YAP1: variants seen among roughly 807,000 people sequenced by gnomAD.
YAP1 encodes the protein transcriptional coactivator YAP1.
Under a neutral mutation model 56.9 loss-of-function variants are expected in YAP1, and 5 were observed. The ratio of observed to expected loss-of-function variants is 0.09; its 90% confidence interval spans 0.05 to 0.18. The LOEUF (loss-of-function observed/expected upper bound fraction) is 0.18, where lower values mean the gene tolerates loss of function less well. YAP1 is among the 10% of genes least tolerant of loss of function. The probability of loss-of-function intolerance (pLI) is 1.00; values close to 1 mark genes in which losing one functional copy is unlikely to be tolerated. For synonymous variants in YAP1, 265 were observed against 248.1 expected (o/e 1.07, Z -0.64); for missense variants, 539 against 651.8 (o/e 0.83, Z 1.88).
intron 4 of YAP1, among the ~76,000 whole-genome samples, chr11:102,188,810 A>T (rs1473669115): frequency 6.6e-6 from 1 of 152,224 alleles, no homozygotes; most frequent in East Asian, 1.9e-4. Flanking sequence ...ATTAAGTGAC[A>T]CATGACTATA....
chr11:102,207,762 C>T (rs886857309), intron 5 of YAP1, among the ~76,000 whole-genome samples: 9 of 152,096 alleles, frequency 5.9e-5, no homozygotes, highest in African/African-American at 2.2e-4. Flanking sequence ...TGTGCTTTGT[C>T]GGTAATCTGT....
chr11:102,121,739 G>A (rs1190542672), intron 2 of YAP1, among the ~76,000 whole-genome samples: 4 of 152,144 alleles, frequency 2.6e-5, no homozygotes, highest in African/African-American at 9.7e-5. Context: ...GAGGATAAGT[G>A]GGGGACTGCT....
chr11:102,152,231 A>T (rs1212552384), intron 2 of YAP1, among the ~76,000 whole-genome samples: 1 of 152,328 alleles, frequency 6.6e-6, no homozygotes, highest in East Asian at 1.9e-4. Context: ...GTCTTCAGTA[A>T]CCATTTCTCA....
At chr11:102,184,883 C>G (rs576626905) in intron 3 of YAP1, among the ~76,000 whole-genome samples, 96 of 152,226 alleles carry the variant, frequency 6.3e-4, no homozygotes, top group Non-Finnish European at 1.0e-3. Flanking sequence ...CTGGTACTAA[C>G]TAGCTTTGGG....
chr11:102,223,813 C>T lies in YAP1; in HGVS notation c.1163+61C>T, dbSNP rs930374209. ...GGATCATTGCTTTAAAATCATTCTG[C>T]TTAGTGCTTGTAATAGGCTATTTGG... On this transcript the variant is annotated intron_variant, in intron 7 of 8. Coordinates refer to ENST00000282441, the MANE Select transcript of YAP1 (RefSeq NM_001130145.3). The T allele has an allele frequency of 8.1e-6, 13 of 1,598,432 alleles. No homozygotes were observed. In the East Asian group the frequency reaches 2.5e-4, roughly 30 times the overall value.
At chr11:102,157,638 A>G (rs898779364) in intron 2 of YAP1, among the ~76,000 whole-genome samples, 3 of 152,192 alleles carry the variant, frequency 2.0e-5, no homozygotes, top group African/African-American at 7.2e-5. Context: ...TGGTCATTTG[A>G]TTTCTCATTA....
chr11:102,138,910 G>C (rs1944839652), intron 2 of YAP1, among the ~76,000 whole-genome samples: 1 of 152,272 alleles, frequency 6.6e-6, no homozygotes, highest in African/African-American at 2.4e-5. Context: ...AATGTTTTCT[G>C]TGATTACATC....
intron 3 of YAP1, among the ~76,000 whole-genome samples, chr11:102,181,096 G>A (rs1010317355): frequency 3.3e-5 from 5 of 151,762 alleles, no homozygotes; most frequent in Non-Finnish European, 5.9e-5. Context: ...GCAGTGAGCC[G>A]GGATTGCACC....
chr11:102,194,306 T>C (rs1337625708), intron 4 of YAP1, among the ~76,000 whole-genome samples: 1 of 152,146 alleles, frequency 6.6e-6, no homozygotes, highest in Non-Finnish European at 1.5e-5. Flanking sequence ...TGAAAGTAAT[T>C]GGTGTGATTT....
At chr11:102,195,997 T>G (rs1948553896) in intron 4 of YAP1, among the ~76,000 whole-genome samples, 1 of 152,176 alleles carries the variant, frequency 6.6e-6, no homozygotes, top group African/African-American at 2.4e-5. Context: ...AGATAACACT[T>G]AACTCCCATT....
intron 1 of YAP1, 29 bp from the exon 2 acceptor site, chr11:102,114,115 T>A (rs777963145): frequency 1.3e-6 from 2 of 1,554,170 alleles, no homozygotes; most frequent in South Asian, 2.4e-5. Context: ...TTTTCTTTTT[T>A]AATTTTTCAT....
rs150068300 is a variant in YAP1 at position 102,188,879 on chromosome 11, G to A, written c.802+2748G>A. On this transcript the variant is annotated intron_variant, in intron 4 of 8. Coordinates refer to ENST00000282441, the MANE Select transcript of YAP1 (RefSeq NM_001130145.3). ...ATTAATGTTATTTATGTAATTTTAG[G>A]GAATAAAAGAGTAATTTGTTGTGGA... 2.5e-3 allele frequency among the ~76,000 whole-genome samples: 376 copies of A among 151,936 alleles called. 2 individuals carry two copies. The highest frequency in any genetic ancestry group is 8.5e-3 in the African/African-American group (352 of 41,494).
At chr11:102,212,822 C>A (rs1391014503) in intron 6 of YAP1, among the ~76,000 whole-genome samples, 5 of 152,192 alleles carry the variant, frequency 3.3e-5, no homozygotes, top group Admixed American at 6.5e-5. Flanking sequence ...CTCAGGTGAT[C>A]TGCCCACCTC....
Position 102,196,133 on chromosome 11 carries a change from T to C in YAP1, c.803-9760T>C, listed in dbSNP as rs531834360. ...ACCACTTTGGAAAATAGAATGACAG[T>C]TCCTCAAAACATTAACCATAACATT... On this transcript the variant is annotated intron_variant, in intron 4 of 8. Transcript: ENST00000282441. Among the ~76,000 whole-genome samples, 9 of 152,256 alleles carry C rather than the reference T, an allele frequency of 5.9e-5. No individual in the cohort carries two copies. In the East Asian group the frequency reaches 1.7e-3, roughly 29 times the overall value.
intron 2 of YAP1, among the ~76,000 whole-genome samples, chr11:102,123,318 G>A (rs910504105): frequency 4.6e-5 from 7 of 152,014 alleles, no homozygotes; most frequent in Non-Finnish European, 8.8e-5. Flanking sequence ...AGAGTCTTTT[G>A]TTTTCCTGCT....
intron 2 of YAP1, among the ~76,000 whole-genome samples, chr11:102,124,488 C>T (rs561139324): frequency 4.6e-5 from 7 of 152,282 alleles, no homozygotes; most frequent in Admixed American, 3.3e-4. Flanking sequence ...AGTACAATTT[C>T]CAGGACTGTC....
At chr11:102,197,253 T>C (rs1591389309) in intron 4 of YAP1, among the ~76,000 whole-genome samples, 1 of 152,334 alleles carries the variant, frequency 6.6e-6, no homozygotes, top group Non-Finnish European at 1.5e-5. Flanking sequence ...GTCTGAGATT[T>C]GAAAAAATAC....
rs370902721 is a variant in YAP1, at chr11:102,212,624, G to A, written c.1032+3060G>A. Among the ~76,000 whole-genome samples, 54 of 151,292 alleles carry A rather than the reference G, an allele frequency of 3.6e-4. No individual in the cohort carries two copies. In the East Asian group the frequency reaches 8.1e-3, roughly 23 times the overall value. ...TTTGAGACGGAGTTTTGCCCTTGTC[G>A]CCCAGGTTGGAGTGCAATGGCATGA... On this transcript the variant is annotated intron_variant, in intron 6 of 8. Transcript: ENST00000282441.
intron 2 of YAP1, among the ~76,000 whole-genome samples, chr11:102,153,051 A>G (rs912541297): frequency 6.6e-6 from 1 of 152,224 alleles, no homozygotes; most frequent in Non-Finnish European, 1.5e-5. Flanking sequence ...GTAGTGATCT[A>G]CGGCTGAAGT....
Sources: allele counts gnomAD v4.1 joint callset (sites outside exome capture counted in the v4.1 genomes callset), GRCh38; gene constraint gnomAD v4.1.1; transcripts MANE v1.5; gene names NCBI Gene and HGNC (gene_info 2026-07-23, HGNC 2026-07-21).